The following GRHL2 variants were observed in gnomAD, a reference collection of about 807,000 sequenced individuals.
GRHL2 encodes grainyhead-like protein 2 homolog.
In GRHL2, 21 loss-of-function variants were observed where a neutral mutation model predicts 83.8. The observed-to-expected ratio is 0.25, with a 90% CI of 0.18 to 0.36. The LOEUF (loss-of-function observed/expected upper bound fraction) is 0.36, where lower values mean the gene tolerates loss of function less well. Ranked by LOEUF, GRHL2 falls within the 10% of genes least tolerant of loss-of-function variation. GRHL2 has a pLI of 1.00. For missense variants in GRHL2, 623 were observed against 781.8 expected, an observed-to-expected ratio of 0.80 and a Z score of 2.42; for synonymous variants, 280 against 278.9, an observed-to-expected ratio of 1.00 and a Z score of -0.04.
At chr8:101,660,824 A>G (rs1043213237) in intron 14 of GRHL2, among the ~76,000 whole-genome samples, 1 of 152,118 alleles carries the variant, frequency 6.6e-6, no homozygotes, top group Non-Finnish European at 1.5e-5. Flanking sequence ...TCAGAGCTGT[A>G]TTTTCTCCCT....
intron 1 of GRHL2, among the ~76,000 whole-genome samples, chr8:101,503,034 A>C (rs1460769055): frequency 6.6e-6 from 1 of 152,228 alleles, no homozygotes; most frequent in Non-Finnish European, 1.5e-5. Context: ...ATTTCACTTC[A>C]GGGCACACAA....
intron 8 of GRHL2, among the ~76,000 whole-genome samples, chr8:101,609,749 A>G (rs1199230009): frequency 6.6e-6 from 1 of 151,014 alleles, no homozygotes; most frequent in Non-Finnish European, 1.5e-5. Context: ...AAAATAGGAA[A>G]TGAGGTGTAT....
chr8:101,643,813 C>A (rs1364872793), intron 12 of GRHL2, among the ~76,000 whole-genome samples: 1 of 152,230 alleles, frequency 6.6e-6, no homozygotes, highest in African/African-American at 2.4e-5. Flanking sequence ...TCCCCCCAGC[C>A]CCGATCTTGA....
chr8:101,563,208 T>C (rs764184426), intron 4 of GRHL2, among the ~76,000 whole-genome samples: 6 of 152,160 alleles, frequency 3.9e-5, no homozygotes, highest in African/African-American at 7.2e-5. Flanking sequence ...CAACCTAAGC[T>C]GTCTGGCTTC....
At chr8:101,620,225 A>G (rs544390227) in intron 9 of GRHL2, among the ~76,000 whole-genome samples, 17 of 152,260 alleles carry the variant, frequency 1.1e-4, no homozygotes, top group African/African-American at 3.9e-4. Context: ...TCTAAACCCA[A>G]TTACCTCCCC....
intron 12 of GRHL2, among the ~76,000 whole-genome samples, chr8:101,641,090 G>C (rs7839359): frequency 0.12 from 18,344 of 151,984 alleles, 2,415 homozygotes; most frequent in African/African-American, 0.33. Flanking sequence ...TCATAATTCA[G>C]TAACAGTTAC....
chr8:101,631,629 C>T lies in GRHL2; in HGVS notation c.1258-8C>T. The T allele has an allele frequency of 1.2e-6, 2 of 1,611,306 alleles. No individual in the cohort carries two copies. The highest frequency in any genetic ancestry group is 1.7e-6 in the Non-Finnish European group (2 of 1,178,046). On this transcript the variant is annotated splice_polypyrimidine_tract_variant and splice_region_variant and intron_variant, in intron 9 of 15. Coordinates refer to ENST00000646743, the MANE Select transcript of GRHL2 (RefSeq NM_024915.4). ...TGGCATTTTCTGTATTTGTTTTTTTCCTATCAGGGAGCAGAAAGAAAAATC... is the reference window on the plus strand; with the variant it reads ...TGGCATTTTCTGTATTTGTTTTTTTTCTATCAGGGAGCAGAAAGAAAAATC...
At chr8:101,602,187 T>C (rs1812530472) in intron 8 of GRHL2, among the ~76,000 whole-genome samples, 3 of 152,224 alleles carry the variant, frequency 2.0e-5, no homozygotes, top group Non-Finnish European at 4.4e-5. Flanking sequence ...CTGCGGAGCC[T>C]AAGGCATTTC....
At chr8:101,538,600 C>A (rs1163106194) in intron 1 of GRHL2, among the ~76,000 whole-genome samples, 1 of 152,194 alleles carries the variant, frequency 6.6e-6, no homozygotes, top group Non-Finnish European at 1.5e-5. Context: ...TAAAGCTTCA[C>A]AAAGGATATT....
At chr8:101,541,817 T>G (rs988003852) in intron 1 of GRHL2, among the ~76,000 whole-genome samples, 6 of 152,174 alleles carry the variant, frequency 3.9e-5, no homozygotes, top group African/African-American at 1.2e-4. Context: ...CCTGAAGACA[T>G]TGCCTTGTTT....
intron 1 of GRHL2, among the ~76,000 whole-genome samples, chr8:101,499,859 T>C (rs113332178): frequency 0.012 from 1,837 of 152,100 alleles, 47 homozygotes; most frequent in African/African-American, 0.041. Context: ...AGGCAGATCA[T>C]GAGGTAAGGA....
At chr8:101,598,972 T>A in intron 7 of GRHL2, 85 bp from the exon 8 acceptor site, 1 of 913,496 alleles carries the variant, frequency 1.1e-6, no homozygotes, top group Admixed American at 1.8e-5. Flanking sequence ...AAGTTTAAAT[T>A]TACCCATTGG....
intron 9 of GRHL2, among the ~76,000 whole-genome samples, chr8:101,629,289 A>C (rs1813137931): frequency 6.7e-6 from 1 of 150,132 alleles, no homozygotes; most frequent in Non-Finnish European, 1.5e-5. Flanking sequence ...ACAACTTGCT[A>C]AAGCCTCAGT....
chr8:101,503,879 TTC>T (rs1810282056), intron 1 of GRHL2, among the ~76,000 whole-genome samples: 1 of 152,208 alleles, frequency 6.6e-6, no homozygotes, highest in Non-Finnish European at 1.5e-5. Context: ...AACAGTGGTT[TTC>T]TCTCTTAAGT....
At chr8:101,662,145 T>G (rs1813934899) in intron 14 of GRHL2, among the ~76,000 whole-genome samples, 1 of 152,262 alleles carries the variant, frequency 6.6e-6, no homozygotes, top group African/African-American at 2.4e-5. Flanking sequence ...CTTCTGTTTT[T>G]CTTAAGTGCT....
At chr8:101,631,778 C>G (rs1261735441) in intron 10 of GRHL2, 54 bp downstream of exon 10, 1 of 1,402,272 alleles carries the variant, frequency 7.1e-7, no homozygotes, top group Admixed American at 1.7e-5. Context: ...TGGGCTGTGT[C>G]CACTGGGGGA....
chr8:101,633,411 A>G (rs1282623434), intron 11 of GRHL2, among the ~76,000 whole-genome samples: 2 of 152,212 alleles, frequency 1.3e-5, no homozygotes, highest in Non-Finnish European at 2.9e-5. Context: ...TAAGCATGCA[A>G]ACACTCAATG....
At chr8:101,634,676 C>T (rs1813252340) in intron 11 of GRHL2, among the ~76,000 whole-genome samples, 1 of 152,178 alleles carries the variant, frequency 6.6e-6, no homozygotes, top group Non-Finnish European at 1.5e-5. Flanking sequence ...CCCTGTGGTT[C>T]TCATGGCCAG....
chr8:101,633,053 G>GA (rs1294758936), intron 11 of GRHL2, among the ~76,000 whole-genome samples: 2 of 152,102 alleles, frequency 1.3e-5, no homozygotes, highest in Non-Finnish European at 2.9e-5. Flanking sequence ...ATGTTCAGTG[G>GA]AAAAAAATGT....
Sources: gnomAD v4.1 joint callset for allele counts (sites outside exome capture counted in the v4.1 genomes callset) on GRCh38, gnomAD v4.1.1 for gene constraint, MANE v1.5 for transcripts, NCBI Gene and HGNC (gene_info 2026-07-23, HGNC 2026-07-21) for gene names.